Variants in DOCK3 observed in about 807,000 individuals in gnomAD.
DOCK3 encodes the protein dedicator of cytokinesis protein 3.
In DOCK3, 60 loss-of-function variants were observed where a neutral mutation model predicts 265.6. The ratio of observed to expected loss-of-function variants is 0.23; its 90% CI spans 0.18 to 0.28. The LOEUF (loss-of-function observed/expected upper bound fraction) is 0.28. DOCK3 is among the 10% of genes least tolerant of loss of function. DOCK3 has a pLI of 1.00. For missense variants in DOCK3, 1,981 were observed against 2,594.3 expected (o/e 0.76, Z 5.14); for synonymous variants, 881 against 938.0 (o/e 0.94, Z 1.11).
At chr3:51,238,500 G>A (rs2078450035) in intron 21 of DOCK3, among the ~76,000 whole-genome samples, 1 of 151,956 alleles carries the variant, frequency 6.6e-6, no homozygotes, top group South Asian at 2.1e-4. Context: ...GTGCAGGTTT[G>A]TTATATAGGT....
intron 3 of DOCK3, chr3:50,863,326 G>C (rs927600713): frequency 4.1e-6 from 2 of 491,556 alleles, no homozygotes; most frequent in Non-Finnish European, 8.1e-6. Context: ...AGGTCTGAGG[G>C]GAATGCAGAT....
At chr3:50,887,264 A>C (rs1575450996) in intron 3 of DOCK3, among the ~76,000 whole-genome samples, 1 of 151,868 alleles carries the variant, frequency 6.6e-6, no homozygotes, top group South Asian at 2.1e-4. Flanking sequence ...AAAATCTAGA[A>C]GAAATGGATA....
chr3:51,181,468 C>T (rs1435238607), intron 12 of DOCK3, among the ~76,000 whole-genome samples: 1 of 152,000 alleles, frequency 6.6e-6, no homozygotes, highest in Non-Finnish European at 1.5e-5. Flanking sequence ...GACATGAACT[C>T]ATCCTTTTTT....
intron 9 of DOCK3, among the ~76,000 whole-genome samples, chr3:51,091,494 C>T (rs976050640): frequency 3.3e-5 from 5 of 152,054 alleles, no homozygotes; most frequent in African/African-American, 9.6e-5. Context: ...CCAGCCTGAC[C>T]AACATAGTGA....
chr3:50,912,226 G>A (rs1264550192), intron 4 of DOCK3, among the ~76,000 whole-genome samples: 2 of 152,008 alleles, frequency 1.3e-5, no homozygotes, highest in African/African-American at 4.8e-5. Context: ...TCTTTGACAC[G>A]ATCCAGAAGT....
chr3:50,938,628 C>A (rs1255642422), intron 5 of DOCK3, among the ~76,000 whole-genome samples: 4 of 151,482 alleles, frequency 2.6e-5, no homozygotes, highest in African/African-American at 4.8e-5. Flanking sequence ...AACAAGAAAA[C>A]CTGAAAAATT....
intron 5 of DOCK3, among the ~76,000 whole-genome samples, chr3:51,044,207 GA>G (rs2080660730): frequency 6.6e-6 from 1 of 152,178 alleles, no homozygotes; most frequent in Non-Finnish European, 1.5e-5. Flanking sequence ...ATTGGATAAA[GA>G]AAATGTGGTG....
chr3:50,733,609 G>A (rs1043657443), intron 1 of DOCK3, among the ~76,000 whole-genome samples: 7 of 152,098 alleles, frequency 4.6e-5, no homozygotes, highest in Non-Finnish European at 1.0e-4. Context: ...GGCTATGTGT[G>A]TTCTTAAATC....
chr3:50,989,385 G>A (rs945078886), intron 5 of DOCK3, among the ~76,000 whole-genome samples: 9 of 152,182 alleles, frequency 5.9e-5, no homozygotes, highest in South Asian at 2.1e-4. Flanking sequence ...CTAGCAGTCA[G>A]GGGGGAGAGG....
intron 5 of DOCK3, among the ~76,000 whole-genome samples, chr3:50,936,847 C>T (rs1198480463): frequency 6.6e-6 from 1 of 152,082 alleles, no homozygotes; most frequent in African/African-American, 2.4e-5. Flanking sequence ...TAACAGGATG[C>T]TTGGAACATT....
At chr3:51,142,815 G>A (rs898637034) in intron 9 of DOCK3, among the ~76,000 whole-genome samples, 1 of 151,936 alleles carries the variant, frequency 6.6e-6, no homozygotes, top group Non-Finnish European at 1.5e-5. Flanking sequence ...GTACCATTTT[G>A]CATTCTTACC....
At chr3:50,976,655 A>G (rs1181922213) in intron 5 of DOCK3, among the ~76,000 whole-genome samples, 1 of 152,012 alleles carries the variant, frequency 6.6e-6, no homozygotes, top group Admixed American at 6.6e-5. Flanking sequence ...GATGTCTATT[A>G]GGTCTGCTTG....
intron 32 of DOCK3, among the ~76,000 whole-genome samples, chr3:51,329,511 G>A (rs2084377683): frequency 6.6e-6 from 1 of 152,202 alleles, no homozygotes; most frequent in Admixed American, 6.5e-5. Context: ...ATATAGTCTT[G>A]CTCCTTATGA....
intron 1 of DOCK3, among the ~76,000 whole-genome samples, chr3:50,736,913 CG>C (rs2038666065): frequency 6.6e-6 from 1 of 151,856 alleles, no homozygotes; most frequent in Non-Finnish European, 1.5e-5. Context: ...AGGATGGTCT[CG>C]ATCTCCTGAC....
intron 5 of DOCK3, among the ~76,000 whole-genome samples, chr3:51,007,256 C>G (rs1332164857): frequency 6.6e-6 from 1 of 152,196 alleles, no homozygotes; most frequent in Non-Finnish European, 1.5e-5. Flanking sequence ...TAAAAGTGTT[C>G]CTATTTCTCC....
At chr3:51,368,279 A>G (rs1033783678) in intron 49 of DOCK3, among the ~76,000 whole-genome samples, 5 of 152,152 alleles carry the variant, frequency 3.3e-5, no homozygotes, top group Non-Finnish European at 7.4e-5. Flanking sequence ...AGGAAATGCA[A>G]GGGGTCGGGG....
intron 5 of DOCK3, among the ~76,000 whole-genome samples, chr3:51,009,222 A>G (rs964600597): frequency 6.6e-6 from 1 of 152,152 alleles, no homozygotes; most frequent in African/African-American, 2.4e-5. Flanking sequence ...CTCTCATAGA[A>G]TTCGGCTGTG....
At chr3:50,944,680 G>A (rs756597790) in intron 5 of DOCK3, among the ~76,000 whole-genome samples, 3 of 152,162 alleles carry the variant, frequency 2.0e-5, no homozygotes, top group Middle Eastern at 3.4e-3. Flanking sequence ...CTTTGTAGGC[G>A]GGGCATGGTG....
At chr3:51,186,565 T>A (rs2087614731) in intron 12 of DOCK3, among the ~76,000 whole-genome samples, 1 of 152,170 alleles carries the variant, frequency 6.6e-6, no homozygotes, top group Admixed American at 6.5e-5. Context: ...GGAAAATGTC[T>A]CCAGGGCATG....
Sources: gnomAD v4.1 joint callset for allele counts (sites outside exome capture counted in the v4.1 genomes callset) on GRCh38, gnomAD v4.1.1 for gene constraint, MANE v1.5 for transcripts, NCBI Gene and HGNC (gene_info 2026-07-23, HGNC 2026-07-21) for gene names.